The following RPRD1A variants were observed in gnomAD, a reference collection of about 807,000 sequenced individuals.
RPRD1A encodes the protein regulation of nuclear pre-mRNA domain containing 1A.
A neutral mutation model predicts 37.8 loss-of-function variants in RPRD1A; 9 were observed. The observed-to-expected ratio is 0.24, with a 90% CI of 0.14 to 0.42. The LOEUF (loss-of-function observed/expected upper bound fraction) is 0.42, where lower values mean the gene tolerates loss of function less well. RPRD1A is among the 10% of genes least tolerant of loss of function. The pLI, the probability that RPRD1A is intolerant of heterozygous loss-of-function variation, is 1.00. For missense variants in RPRD1A, 255 were observed against 371.0 expected (o/e 0.69, Z 2.57); for synonymous variants, 138 against 139.7 (o/e 0.99, Z 0.08).
intron 1 of RPRD1A, among the ~76,000 whole-genome samples, chr18:36,058,333 C>T (rs1568153045): frequency 6.6e-6 from 1 of 152,136 alleles, no homozygotes; most frequent in Non-Finnish European, 1.5e-5. Context: ...AGGCATGAGC[C>T]ACTGCGCCCG....
At chr18:36,021,310 TC>T (rs1378128955) in intron 6 of RPRD1A, among the ~76,000 whole-genome samples, 1 of 152,002 alleles carries the variant, frequency 6.6e-6, no homozygotes, top group East Asian at 1.9e-4. Flanking sequence ...CAGCATGTGC[TC>T]ACTTAAGTGT....
chr18:36,015,157 CATATATACACATATAT>C (rs1910441700), intron 6 of RPRD1A, among the ~76,000 whole-genome samples: 1 of 91,844 alleles, frequency 1.1e-5, no homozygotes, highest in African/African-American at 3.3e-5. Flanking sequence ...CACACACACA[CATATATACACATATAT>C]ACACACACAC....
At chr18:36,024,017 T>C (rs1329886372) in intron 6 of RPRD1A, among the ~76,000 whole-genome samples, 1 of 152,198 alleles carries the variant, frequency 6.6e-6, no homozygotes, top group Non-Finnish European at 1.5e-5. Flanking sequence ...GATAATAAGC[T>C]AACTGAAAAA....
intron 6 of RPRD1A, among the ~76,000 whole-genome samples, chr18:36,019,396 C>T (rs1177606949): frequency 2.0e-5 from 3 of 151,964 alleles, no homozygotes; most frequent in East Asian, 1.9e-4. Context: ...CATGAGCCAC[C>T]GCGCCTGGCC....
At chr18:36,061,991 A>G (rs2088920066) in intron 1 of RPRD1A, among the ~76,000 whole-genome samples, 1 of 152,176 alleles carries the variant, frequency 6.6e-6, no homozygotes, top group South Asian at 2.1e-4. Context: ...ATGTAGAAAA[A>G]CTGGACCCTC....
chr18:36,056,962 C>T (rs1913814491), intron 1 of RPRD1A, among the ~76,000 whole-genome samples: 1 of 149,992 alleles, frequency 6.7e-6, no homozygotes, highest in South Asian at 2.1e-4. Flanking sequence ...CATCTATAAT[C>T]CCAGCACGTT....
At chr18:36,059,026 G>A (rs1466641406) in intron 1 of RPRD1A, among the ~76,000 whole-genome samples, 4 of 152,070 alleles carry the variant, frequency 2.6e-5, no homozygotes, top group Non-Finnish European at 5.9e-5. Flanking sequence ...GTTATGTTAC[G>A]ATAATTGCAT....
chr18:36,048,576 A>G (rs772939011), intron 1 of RPRD1A, among the ~76,000 whole-genome samples: 2 of 152,052 alleles, frequency 1.3e-5, no homozygotes, highest in Non-Finnish European at 2.9e-5. Flanking sequence ...AAAATTCAAC[A>G]ATCATTCATG....
At chr18:35,998,825 T>C (rs1909247421) in intron 6 of RPRD1A, among the ~76,000 whole-genome samples, 1 of 152,212 alleles carries the variant, frequency 6.6e-6, no homozygotes, top group South Asian at 2.1e-4. Context: ...TGTCTTGTCT[T>C]TCCAAGGGCA....
intron 1 of RPRD1A, among the ~76,000 whole-genome samples, chr18:36,048,914 A>C (rs1487121530): frequency 6.6e-6 from 1 of 152,234 alleles, no homozygotes. Flanking sequence ...TTTACAGCTA[A>C]TAAGTGCATT....
intron 1 of RPRD1A, among the ~76,000 whole-genome samples, chr18:36,046,832 G>GA (rs759814914): frequency 0.012 from 1,610 of 129,468 alleles, 38 homozygotes; most frequent in African/African-American, 0.042. Flanking sequence ...GAGCCCATCT[G>GA]AAAAAAAAAA....
At chr18:36,066,224 T>C (rs562484131) in intron 1 of RPRD1A, among the ~76,000 whole-genome samples, 9 of 152,296 alleles carry the variant, frequency 5.9e-5, no homozygotes, top group African/African-American at 1.7e-4. Flanking sequence ...CCACAAACAA[T>C]ATACAAGGAC....
At chr18:36,037,157 C>A (rs962857623) in intron 1 of RPRD1A, among the ~76,000 whole-genome samples, 4 of 152,026 alleles carry the variant, frequency 2.6e-5, no homozygotes, top group Non-Finnish European at 5.9e-5. Context: ...ATATATCACA[C>A]CAACACAGAA....
chr18:36,031,739 G>A (rs560993310), intron 2 of RPRD1A, among the ~76,000 whole-genome samples: 17 of 152,192 alleles, frequency 1.1e-4, no homozygotes, highest in South Asian at 6.2e-4. Context: ...GTCTTCTCAC[G>A]CTCTCCCAGC....
Position 36,026,881 on chromosome 18 carries a change from G to A in RPRD1A, c.789+19C>T, listed in dbSNP as rs548483910. On this transcript the variant is annotated intron_variant, in intron 6 of 6. Transcript: ENST00000399022. ...GAGAATTAAATAAATAAGCACTAAA[G>A]AAGAAAAAGGTTACGCACTTCCAAT... The A allele has an allele frequency of 6.3e-7, 1 of 1,595,228 alleles. No individual in the cohort carries two copies. The highest frequency in any genetic ancestry group is 1.1e-5 in the South Asian group (1 of 88,494).
At chr18:36,009,573 C>T (rs978342753) in intron 6 of RPRD1A, among the ~76,000 whole-genome samples, 1 of 152,216 alleles carries the variant, frequency 6.6e-6, no homozygotes, top group African/African-American at 2.4e-5. Context: ...TTCTGGGGCA[C>T]CCACAGCATT....
At chr18:36,059,718 G>A (rs939050091) in intron 1 of RPRD1A, among the ~76,000 whole-genome samples, 1 of 152,002 alleles carries the variant, frequency 6.6e-6, no homozygotes, top group Non-Finnish European at 1.5e-5. Context: ...AAAGACAGAT[G>A]GCACCCATAG....
At chr18:36,043,269 A>G (rs1226711309) in intron 1 of RPRD1A, among the ~76,000 whole-genome samples, 1 of 139,976 alleles carries the variant, frequency 7.1e-6, no homozygotes, top group African/African-American at 2.7e-5. Context: ...ATTATATATT[A>G]CATGATTAAT....
At chr18:36,025,701 GT>G in intron 6 of RPRD1A, 1 of 1,244,402 alleles carries the variant, frequency 8.0e-7, no homozygotes, top group Non-Finnish European at 1.0e-6. Context: ...CTCAATAGAA[GT>G]TAAAGAAACC....
Sources: gnomAD v4.1 joint callset for allele counts (sites outside exome capture counted in the v4.1 genomes callset) on GRCh38, gnomAD v4.1.1 for gene constraint, MANE v1.5 for transcripts, NCBI Gene and HGNC (gene_info 2026-07-23, HGNC 2026-07-21) for gene names.